APAF1: variants seen among roughly 807,000 people sequenced by gnomAD.
APAF1 encodes apoptotic protease-activating factor 1.
A neutral mutation model predicts 152.4 loss-of-function variants in APAF1; 91 were observed. That is an observed-to-expected ratio of 0.60 (90% CI 0.50 to 0.71). The LOEUF is 0.71. Ranked by LOEUF, APAF1 falls within the 30% of genes least tolerant of loss-of-function variation. The pLI is 0.00. For missense variants in APAF1, 1,283 were observed against 1,472.0 expected, an observed-to-expected ratio of 0.87 and a Z score of 2.10; for synonymous variants, 484 against 494.1, an observed-to-expected ratio of 0.98 and a Z score of 0.27.
intron 16 of APAF1, among the ~76,000 whole-genome samples, chr12:98,692,325 C>T (rs1034580879): frequency 3.3e-5 from 5 of 152,116 alleles, no homozygotes; most frequent in East Asian, 1.9e-4. Flanking sequence ...CCTCGTGATC[C>T]GCCTGCCTCG....
chr12:98,654,638 C>G (rs960140968), intron 4 of APAF1, among the ~76,000 whole-genome samples: 9 of 151,918 alleles, frequency 5.9e-5, no homozygotes, highest in African/African-American at 2.2e-4. Flanking sequence ...GAACACCTGA[C>G]CCAAGTGATC....
At chr12:98,666,071 A>G in intron 8 of APAF1, 119 bp from the exon 9 acceptor site, 1 of 962,322 alleles carries the variant, frequency 1.0e-6, no homozygotes, top group South Asian at 1.4e-5. Flanking sequence ...TTCTTAAGAA[A>G]TGGAGACATT....
chr12:98,717,110 C>T (rs920313491), intron 22 of APAF1, among the ~76,000 whole-genome samples: 5 of 151,788 alleles, frequency 3.3e-5, no homozygotes, highest in African/African-American at 4.8e-5. Context: ...CCTTGTGATC[C>T]GCCCGCCTCG....
rs770472412 is a variant in APAF1 at position 98,662,818 on chromosome 12, T to C, written c.955+12T>C. ...AAAAGAATGTAAAGGTATGGTTATT[T>C]ATTTGTTTATGAGGAGATTATAGGG... On this transcript the variant is annotated intron_variant, in intron 7 of 26. Coordinates refer to ENST00000551964, the MANE Select transcript of APAF1 (RefSeq NM_181861.2). 1 of 1,603,998 alleles carries C rather than the reference T, an allele frequency of 6.2e-7. No homozygotes were observed. The highest frequency in any genetic ancestry group is 8.5e-7 in the Non-Finnish European group (1 of 1,173,192).
At chr12:98,691,664 C>T (rs1038146759) in intron 16 of APAF1, among the ~76,000 whole-genome samples, 6 of 151,970 alleles carry the variant, frequency 3.9e-5, no homozygotes, top group Non-Finnish European at 8.8e-5. Flanking sequence ...TTATCTGATT[C>T]TCATTATTTT....
chr12:98,712,751 C>T (rs900868511), intron 21 of APAF1: 10 of 293,818 alleles, frequency 3.4e-5, no homozygotes, highest in African/African-American at 1.6e-4. Flanking sequence ...TGGGTTTAAG[C>T]GATTGTCCGG....
At position 98,734,041 on chromosome 12, in the gene APAF1, A is replaced by G. The variant is rs562294713; in HGVS notation, c.*1475A>G. ...AGCCTTAATAAGATTTTTCTAAGAA[A>G]TGTGAAATAGAACAATTTTCATCTA... On this transcript the variant is annotated 3_prime_UTR_variant, in exon 27 of 27. Transcript: ENST00000551964. The G allele has an allele frequency of 7.7e-4, 118 of 152,350 alleles. No individual in the cohort carries two copies. Among genetic ancestry groups the G allele is most frequent in the African/African-American group, 2.7e-3 (114 of 41,580 alleles). The allele number at this position is 152,350 out of a possible 1,614,324, so 9.4% of individuals were successfully genotyped here. A position where few individuals can be genotyped will look rare whatever the true frequency, so the allele number is the denominator to read the frequency against.
At chr12:98,659,752 GAAAAA>G (rs34536171) in intron 5 of APAF1, among the ~76,000 whole-genome samples, 1 of 89,920 alleles carries the variant, frequency 1.1e-5, no homozygotes, top group Non-Finnish European at 2.1e-5. Flanking sequence ...AACTCCATCA[GAAAAA>G]AAAAAAAAAA....
intron 23 of APAF1, 112 bp from the exon 24 acceptor site, chr12:98,723,527 C>A: frequency 2.8e-6 from 3 of 1,090,464 alleles, no homozygotes; most frequent in South Asian, 2.8e-5. Context: ...GTCAGAACAG[C>A]CAGTGTATTA....
intron 22 of APAF1, among the ~76,000 whole-genome samples, chr12:98,722,155 A>G (rs1305898736): frequency 1.3e-5 from 2 of 152,150 alleles, no homozygotes; most frequent in Non-Finnish European, 2.9e-5. Context: ...TAACTCCAAC[A>G]TTTATTCCCT....
chr12:98,722,905 G>GTGTT (rs1555222157), intron 22 of APAF1, among the ~76,000 whole-genome samples: 1 of 146,606 alleles, frequency 6.8e-6, no homozygotes, highest in African/African-American at 2.5e-5. Flanking sequence ...CATATTGTGT[G>GTGTT]TTTTTTTTTT....
chr12:98,665,159 A>G (rs1205209233), intron 7 of APAF1, among the ~76,000 whole-genome samples: 1 of 150,988 alleles, frequency 6.6e-6, no homozygotes, highest in African/African-American at 2.4e-5. Context: ...CCTCCTAAGT[A>G]GCCGGCACTA....
chr12:98,682,075 A>T (rs2097692883), intron 14 of APAF1, among the ~76,000 whole-genome samples: 3 of 133,626 alleles, frequency 2.2e-5, no homozygotes, highest in African/African-American at 3.0e-5. Flanking sequence ...TTTTTTTGAG[A>T]CGGAGTCTCG....
chr12:98,651,090 G>T (rs1438913450), intron 4 of APAF1, among the ~76,000 whole-genome samples: 4 of 152,280 alleles, frequency 2.6e-5, no homozygotes, highest in African/African-American at 9.6e-5. Context: ...TTTGTTTTGA[G>T]AAAATCCTAG....
intron 12 of APAF1, among the ~76,000 whole-genome samples, chr12:98,676,034 G>T (rs1318947251): frequency 1.3e-5 from 2 of 152,124 alleles, no homozygotes; most frequent in Non-Finnish European, 2.9e-5. Flanking sequence ...CACCTAATAA[G>T]TATTAGAAAT....
chr12:98,727,053 G>T (rs2097751601), intron 25 of APAF1, 120 bp from the exon 26 acceptor site: 14 of 904,146 alleles, frequency 1.5e-5, no homozygotes, highest in Non-Finnish European at 2.4e-5. Flanking sequence ...TGTTAGGGTT[G>T]TTTATAATAA....
rs2288715 is a variant in APAF1, at chr12:98,712,664, A to G, written c.2958+229A>G. The G allele has an allele frequency of 0.35, 168,696 of 479,684 alleles. 31,325 individuals carry two copies. The highest frequency in any genetic ancestry group is 0.56 in the African/African-American group (28,142 of 50,540). The allele number at this position is 479,684 out of a possible 1,614,324, so 29.7% of individuals were successfully genotyped here. Reference sequence around the variant, plus strand: ...CCTGAGTAGCTGGGACTAAAGGTGTACGTCACCATGCCCGACTAATTTTTT... The same window carrying G: ...CCTGAGTAGCTGGGACTAAAGGTGTGCGTCACCATGCCCGACTAATTTTTT... On this transcript the variant is annotated intron_variant, in intron 21 of 26. Coordinates refer to ENST00000551964, the MANE Select transcript of APAF1 (RefSeq NM_181861.2).
chr12:98,651,915 A>G (rs1334779277), intron 4 of APAF1, among the ~76,000 whole-genome samples: 1 of 152,162 alleles, frequency 6.6e-6, no homozygotes, highest in African/African-American at 2.4e-5. Flanking sequence ...TCTGGGCTCA[A>G]GTGATCTTCC....
chr12:98,707,775 A>G (rs1482275470), intron 19 of APAF1, among the ~76,000 whole-genome samples: 1 of 151,834 alleles, frequency 6.6e-6, no homozygotes, highest in East Asian at 1.9e-4. Context: ...GCAGAGAAAG[A>G]CTGAGAAAGG....
Sources: gnomAD v4.1 joint callset for allele counts (sites outside exome capture counted in the v4.1 genomes callset) on GRCh38, gnomAD v4.1.1 for gene constraint, MANE v1.5 for transcripts, NCBI Gene and HGNC (gene_info 2026-07-23, HGNC 2026-07-21) for gene names.